CHSY1: variants seen among roughly 807,000 people sequenced by gnomAD.
CHSY1 encodes the protein chondroitin sulfate synthase 1.
CHSY1 carries 13 observed loss-of-function variants against 59.8 expected under a neutral mutation model. The observed-to-expected ratio is 0.22, with a 90% CI of 0.14 to 0.35. CHSY1 has a LOEUF of 0.35. CHSY1 is among the 10% of genes least tolerant of loss of function. CHSY1 has a pLI of 1.00. For synonymous variants in CHSY1, 459 were observed against 401.2 expected (o/e 1.14, Z -1.72); for missense variants, 947 against 1,030.6 (o/e 0.92, Z 1.11).
intron 2 of CHSY1, among the ~76,000 whole-genome samples, chr15:101,217,177 G>A (rs2038742077): frequency 6.6e-6 from 1 of 152,198 alleles, no homozygotes; most frequent in Non-Finnish European, 1.5e-5. Context: ...TAAATGGATG[G>A]CGGGTGGTAA....
chr15:101,226,175 G>C (rs1395997846), intron 2 of CHSY1, among the ~76,000 whole-genome samples: 1 of 152,200 alleles, frequency 6.6e-6, no homozygotes, highest in Non-Finnish European at 1.5e-5. Context: ...GCATATTCAA[G>C]TATTTGTTTA....
chr15:101,223,264 G>C (rs2038808730), intron 2 of CHSY1, among the ~76,000 whole-genome samples: 1 of 152,168 alleles, frequency 6.6e-6, no homozygotes, highest in Non-Finnish European at 1.5e-5. Context: ...CAAAGTGCTA[G>C]GATGACATGA....
intron 1 of CHSY1, among the ~76,000 whole-genome samples, chr15:101,241,961 T>C (rs1359722707): frequency 6.6e-6 from 1 of 152,248 alleles, no homozygotes; most frequent in Non-Finnish European, 1.5e-5. Flanking sequence ...AAATAGTCTC[T>C]AGATTACTCA....
chr15:101,205,823 C>A (rs923483330), intron 2 of CHSY1, among the ~76,000 whole-genome samples: 2 of 151,962 alleles, frequency 1.3e-5, no homozygotes, highest in African/African-American at 2.4e-5. Context: ...TGGTGGTGGG[C>A]GCCCGTAGTC....
At chr15:101,239,885 G>T (rs1041926776) in intron 1 of CHSY1, among the ~76,000 whole-genome samples, 1 of 152,128 alleles carries the variant, frequency 6.6e-6, no homozygotes, top group Non-Finnish European at 1.5e-5. Flanking sequence ...CCTGCTTCCC[G>T]TGTACCCCAC....
At chr15:101,208,640 G>A (rs2038651480) in intron 2 of CHSY1, among the ~76,000 whole-genome samples, 1 of 151,396 alleles carries the variant, frequency 6.6e-6, no homozygotes, top group East Asian at 1.9e-4. Context: ...TTGAACCCAG[G>A]AGGCGGAGGT....
chr15:101,192,540 A>G (rs1226659274), intron 2 of CHSY1, among the ~76,000 whole-genome samples: 1 of 152,224 alleles, frequency 6.6e-6, no homozygotes, highest in East Asian at 1.9e-4. Context: ...CAATATGGCA[A>G]CAAGAGCTAA....
intron 1 of CHSY1, among the ~76,000 whole-genome samples, chr15:101,242,000 T>C (rs1323601739): frequency 1.3e-5 from 2 of 152,260 alleles, no homozygotes; most frequent in Non-Finnish European, 2.9e-5. Context: ...AAATGCTATG[T>C]AAATAGTCGT....
intron 2 of CHSY1, among the ~76,000 whole-genome samples, chr15:101,209,082 A>G (rs992896416): frequency 6.6e-6 from 1 of 152,226 alleles, no homozygotes; most frequent in Admixed American, 6.5e-5. Flanking sequence ...CACTAAATAT[A>G]AAAAGACAGA....
chr15:101,225,822 G>A (rs570029822), intron 2 of CHSY1, among the ~76,000 whole-genome samples: 12 of 152,268 alleles, frequency 7.9e-5, no homozygotes, highest in African/African-American at 2.9e-4. Flanking sequence ...GTTCTATTAT[G>A]GGAATTGAGG....
At chr15:101,219,320 C>A (rs540327643) in intron 2 of CHSY1, among the ~76,000 whole-genome samples, 2 of 152,106 alleles carry the variant, frequency 1.3e-5, no homozygotes, top group African/African-American at 2.4e-5. Context: ...CTTAGATCAC[C>A]AAGTGATCAA....
At position 101,202,632 on chromosome 15, in the gene CHSY1, G is replaced by A. The variant is rs374635679; in HGVS notation, c.817-23652C>T. ...GCAGTGGGATCTCAGACACAGCAGA[G>A]GCTGCAGGGGAGGATGGAGGGCATT... On this transcript the variant is annotated intron_variant, in intron 2 of 2. Transcript: ENST00000254190. Among the ~76,000 whole-genome samples the A allele has an allele frequency of 1.6e-4, 24 of 152,040 alleles. No individual in the cohort carries two copies. In the East Asian group the frequency reaches 2.1e-3, roughly 13 times the overall value.
Position 101,251,326 on chromosome 15 carries a change from C to G in CHSY1, c.131G>C (p.Ser44Thr). The G allele has an allele frequency of 8.9e-7, 1 of 1,126,378 alleles. No individual in the cohort carries two copies. Among genetic ancestry groups the G allele is most frequent in the East Asian group, 8.2e-5 (1 of 12,154 alleles). 69.8% of individuals were successfully genotyped at this position (1,126,378 alleles called of 1,614,324 possible). ...CTGCCCGGACCGGCAGCCCTCGGGG[C>G]TGGCGCGGCGCCGTGGGCCCGCTCG... Reference protein sequence around the residue: ...LKRAGPRRRASPEGCRSGQAA... With the variant: ...LKRAGPRRRATPEGCRSGQAA... Residue 44 changes from serine to threonine, a missense_variant, in exon 1 of 3, where the codon AGC (serine) becomes ACC (threonine). Physicochemically the swap from Ser to Thr is moderately conservative, Grantham distance 58. Around this residue, in one of 4 missense-constraint regions of CHSY1, gnomAD observed 232 missense variants for 188.5 expected, o/e 1.23. Transcript: ENST00000254190.
At chr15:101,208,711 T>TTA (rs1336395910) in intron 2 of CHSY1, among the ~76,000 whole-genome samples, 1 of 48,994 alleles carries the variant, frequency 2.0e-5, no homozygotes, top group Admixed American at 2.4e-4. Flanking sequence ...AGGCTCCATC[T>TTA]CAAAAAAAAA....
chr15:101,225,977 C>A (rs1262177887), intron 2 of CHSY1, among the ~76,000 whole-genome samples: 2 of 152,164 alleles, frequency 1.3e-5, no homozygotes, highest in Non-Finnish European at 2.9e-5. Context: ...CTGATATACC[C>A]AATGGTGGAA....
intron 1 of CHSY1, among the ~76,000 whole-genome samples, chr15:101,241,343 C>T (rs939373035): frequency 9.8e-5 from 15 of 152,340 alleles, no homozygotes; most frequent in Non-Finnish European, 1.8e-4. Flanking sequence ...CCCACCTCGG[C>T]CTCCCAAAGG....
At chr15:101,210,072 T>C (rs977061633) in intron 2 of CHSY1, among the ~76,000 whole-genome samples, 1 of 152,226 alleles carries the variant, frequency 6.6e-6, no homozygotes, top group Non-Finnish European at 1.5e-5. Flanking sequence ...GGTAAAACTT[T>C]CTGAATGTTT....
chr15:101,249,356 G>A (rs571593898), intron 1 of CHSY1, among the ~76,000 whole-genome samples: 2 of 145,412 alleles, frequency 1.4e-5, no homozygotes, highest in African/African-American at 2.6e-5. Context: ...GCTCATCCTC[G>A]ATTTCCGATA....
intron 2 of CHSY1, among the ~76,000 whole-genome samples, chr15:101,221,764 C>G (rs774721210): frequency 6.6e-6 from 1 of 152,094 alleles, no homozygotes; most frequent in Non-Finnish European, 1.5e-5. Context: ...GACATGTTAA[C>G]TATGTGAAAG....
Sources: allele counts gnomAD v4.1 joint callset (sites outside exome capture counted in the v4.1 genomes callset), GRCh38; gene constraint gnomAD v4.1.1; regional missense constraint gnomAD v4.1.1; transcripts MANE v1.5; gene names NCBI Gene and HGNC (gene_info 2026-07-23, HGNC 2026-07-21).